The following ABCC8 variants were observed in gnomAD, a reference collection of about 807,000 sequenced individuals.
ABCC8 encodes ATP-binding cassette sub-family C member 8.
Under a neutral mutation model 188.0 loss-of-function variants are expected in ABCC8, and 137 were observed. That is an observed-to-expected ratio of 0.73 (90% confidence interval 0.63 to 0.84). ABCC8 has a LOEUF of 0.84. Ranked by LOEUF, ABCC8 falls within the 40% of genes least tolerant of loss-of-function variation. The pLI, the probability that ABCC8 is intolerant of heterozygous loss-of-function variation, is 0.00. For missense variants in ABCC8, 1,750 were observed against 2,072.7 expected, an observed-to-expected ratio of 0.84 and a Z score of 3.02; for synonymous variants, 797 against 846.5, an observed-to-expected ratio of 0.94 and a Z score of 1.01.
At chr11:17,446,499 G>A (rs1306225434) in intron 8 of ABCC8, among the ~76,000 whole-genome samples, 2 of 152,028 alleles carry the variant, frequency 1.3e-5, no homozygotes, top group African/African-American at 4.8e-5. Context: ...GGCTGGACTC[G>A]AACTCTTGGG....
In ABCC8 at chr11:17,425,501, C is replaced by A. The variant is rs148140104; in HGVS notation, c.2222+1548G>T. Reference sequence around the variant, plus strand: ...TTGCCCTTCTGCTGATTGGCTGCAACTTTTATTCCTAAATGAATACTCCAA... The same window carrying A: ...TTGCCCTTCTGCTGATTGGCTGCAAATTTTATTCCTAAATGAATACTCCAA... On this transcript the variant is annotated intron_variant, in intron 16 of 38. Transcript: ENST00000389817. Among the ~76,000 whole-genome samples, 3 of 152,096 alleles carry A rather than the reference C, an allele frequency of 2.0e-5. No homozygotes were observed. In the East Asian group the frequency reaches 5.8e-4, roughly 29 times the overall value.
intron 21 of ABCC8, 146 bp from the exon 22 acceptor site, chr11:17,410,799 C>A: frequency 7.5e-7 from 1 of 1,339,952 alleles, no homozygotes; most frequent in East Asian, 2.4e-5. Flanking sequence ...ACAACTCACC[C>A]AACCTCTCTG....
intron 12 of ABCC8, 39 bp downstream of exon 12, chr11:17,430,775 C>T: frequency 6.2e-7 from 1 of 1,603,382 alleles, no homozygotes; most frequent in Non-Finnish European, 8.5e-7. Flanking sequence ...TGACACAGGA[C>T]CTGCCTGCCC....
At chr11:17,449,421 C>G (rs1261301639) in intron 7 of ABCC8, among the ~76,000 whole-genome samples, 3 of 152,184 alleles carry the variant, frequency 2.0e-5, no homozygotes, top group South Asian at 2.1e-4. Context: ...TGAAACAAAA[C>G]AAGGGTTCGA....
At chr11:17,399,060 AG>A (rs1188246193) in intron 29 of ABCC8, 1 of 159,572 alleles carries the variant, frequency 6.3e-6, no homozygotes, top group Non-Finnish European at 1.4e-5. Context: ...CCTGAGGTCA[AG>A]AGTTCAAGAC....
Position 17,453,154 on chromosome 11 carries a change from TG to T in ABCC8, c.1140del (p.Ile381LeufsTer7). 1 of 1,614,198 alleles carries T rather than the reference TG, an allele frequency of 6.2e-7. No individual in the cohort carries two copies. The highest frequency in any genetic ancestry group is 8.5e-7 in the Non-Finnish European group (1 of 1,180,024). On this transcript the variant is annotated frameshift_variant, in exon 7 of 39. Transcript: ENST00000389817. LOFTEE classifies it high-confidence loss of function. Reference protein sequence around the residue: ...RTFLQASYYVAIETGINLRGA... With the variant: ...RTFLQASYYVXIETGINLRGA... ...CCTCTCAAGTTAATTCCAGTTTCAA[TG>T]GCCACATAGTAGGATGCTTGCAGAA... is the stretch of plus-strand genomic sequence containing the variant.
At chr11:17,432,476 A>G in intron 10 of ABCC8, 1 of 812,754 alleles carries the variant, frequency 1.2e-6, no homozygotes, top group Non-Finnish European at 1.8e-6. Flanking sequence ...TTAAACTGTT[A>G]AGTCACTCCG....
At chr11:17,456,947 G>A (rs1957017319) in intron 6 of ABCC8, among the ~76,000 whole-genome samples, 1 of 152,240 alleles carries the variant, frequency 6.6e-6, no homozygotes, top group South Asian at 2.1e-4. Context: ...TCAGGCAATA[G>A]GGGACAGAGG....
chr11:17,406,733 A>G lies in ABCC8; in HGVS notation c.3218T>C (p.Leu1073Pro). 6.2e-7 allele frequency: 1 copy of G among 1,614,222 alleles called. No individual in the cohort carries two copies. Residue 1073 changes from leucine (L) to proline (P), a missense_variant, in exon 26 of 39, where the codon CTG (leucine) becomes CCG (proline). By Grantham distance (98) the Leu-to-Pro change is moderately conservative. Coordinates refer to ENST00000389817, the MANE Select transcript of ABCC8 (RefSeq NM_000352.6). ...CGTGACGAGGCACAGCACAATGCCCAGGCTGCAGAGCACCGTGAACACCAT... is the reference window on the plus strand; with the variant it reads ...CGTGACGAGGCACAGCACAATGCCCGGGCTGCAGAGCACCGTGAACACCAT... Reference protein sequence around the residue: ...YAMVFTVLCSLGIVLCLVTSV... With the variant: ...YAMVFTVLCSPGIVLCLVTSV...
intron 3 of ABCC8, among the ~76,000 whole-genome samples, chr11:17,469,652 G>A (rs2237970): frequency 3.2e-4 from 49 of 151,830 alleles, no homozygotes; most frequent in African/African-American, 9.4e-4. Flanking sequence ...CTCTCCTGAC[G>A]CCTGCCCTCA....
In ABCC8 at chr11:17,404,699, T is replaced by C; in HGVS notation, c.3400-30A>G. 6.3e-7 allele frequency: 1 copy of C among 1,576,996 alleles called. No homozygotes were observed. The highest frequency in any genetic ancestry group is 8.6e-7 in the Non-Finnish European group (1 of 1,161,832). ...GGGAGACGAGGGGGAGAGAGTGAGGTGAATTTTGGTATTGACTGTGTTTAG... is the reference window on the plus strand; with the variant it reads ...GGGAGACGAGGGGGAGAGAGTGAGGCGAATTTTGGTATTGACTGTGTTTAG... On this transcript the variant is annotated intron_variant, in intron 27 of 38. Coordinates refer to ENST00000389817, the MANE Select transcript of ABCC8 (RefSeq NM_000352.6). The surrounding 1 kb of genome is among the most constrained non-coding windows in gnomAD (Gnocchi z 4.7).
intron 8 of ABCC8, among the ~76,000 whole-genome samples, chr11:17,446,800 C>A (rs531387037): frequency 1.3e-5 from 2 of 152,100 alleles, no homozygotes; most frequent in East Asian, 1.9e-4. Context: ...CCTGTGGGAG[C>A]CTCTCCCCTT....
intron 10 of ABCC8, among the ~76,000 whole-genome samples, chr11:17,433,297 G>T (rs1453928587): frequency 6.6e-6 from 1 of 152,186 alleles, no homozygotes. Context: ...GTCTGGTTCT[G>T]CCATTAGCCA....
Position 17,413,470 on chromosome 11 carries a change from A to T in ABCC8, c.2399T>A (p.Met800Lys). Residue 800 changes from methionine (M) to lysine (K), a missense_variant, in exon 20 of 39, where the codon ATG becomes AAG. Coordinates refer to ENST00000389817, the MANE Select transcript of ABCC8 (RefSeq NM_000352.6). Reference protein sequence around the residue: ...ESPFNKQRYKMVIEACSLQPD... With the variant: ...ESPFNKQRYKKVIEACSLQPD... ...CTGCAGAGAGCAGGCTTCAATGACC[A>T]TCTTGTACCTGGCGTGGGTAGAGGC... The T allele has an allele frequency of 6.2e-7, 1 of 1,613,962 alleles. No homozygotes were observed. The highest frequency in any genetic ancestry group is 8.5e-7 in the Non-Finnish European group (1 of 1,180,022).
chr11:17,398,660 C>T (rs1467460313), intron 29 of ABCC8, among the ~76,000 whole-genome samples: 1 of 152,188 alleles, frequency 6.6e-6, no homozygotes, highest in Non-Finnish European at 1.5e-5. Flanking sequence ...CTCTTGTTTT[C>T]ACCCCAAGAT....
Position 17,432,263 on chromosome 11 carries a change from G to C in ABCC8, c.1631-19C>G, listed in dbSNP as rs1486329558. The C allele has an allele frequency of 1.3e-6, 2 of 1,551,866 alleles. No individual in the cohort carries two copies. The highest frequency in any genetic ancestry group is 2.7e-5 in the African/African-American group (2 of 73,068). On this transcript the variant is annotated intron_variant, in intron 10 of 38. Transcript: ENST00000389817. ...ATGAAAACTGCAGAGGAAGCACAGG[G>C]AGGCGTTTAGTGGGAGGAGCGTGAC... is the stretch of plus-strand genomic sequence containing the variant.
At position 17,410,514 on chromosome 11, in the gene ABCC8, A is replaced by C. The variant is rs1954757792; in HGVS notation, c.2694+2T>G. Reference sequence around the variant, plus strand: ...TAGCCTGACCCCCTTGTTCCCCCTCACCCAGTCTGCATGGGGCAGGTACTG... The same window carrying C: ...TAGCCTGACCCCCTTGTTCCCCCTCCCCCAGTCTGCATGGGGCAGGTACTG... On this transcript the variant is annotated splice_donor_variant, in intron 22 of 38. Coordinates refer to ENST00000389817, the MANE Select transcript of ABCC8 (RefSeq NM_000352.6). LOFTEE classifies it high-confidence loss of function. The C allele has an allele frequency of 6.2e-7, 1 of 1,613,750 alleles. No homozygotes were observed. The highest frequency in any genetic ancestry group is 8.5e-7 in the Non-Finnish European group (1 of 1,179,916).
At chr11:17,424,149 T>C (rs2017646) in intron 16 of ABCC8, among the ~76,000 whole-genome samples, 87,231 of 151,490 alleles carry the variant, frequency 0.58, 25,489 homozygotes, top group Admixed American at 0.64. Flanking sequence ...GAACATCACA[T>C]ACCGAGCCTG....
chr11:17,397,860 C>A, intron 30 of ABCC8, 63 bp from the exon 31 acceptor site: 1 of 1,595,634 alleles, frequency 6.3e-7, no homozygotes, highest in East Asian at 2.3e-5. Context: ...CCTGTTCTAC[C>A]TCACTCCTTT....
Sources: gnomAD v4.1 joint callset for allele counts (sites outside exome capture counted in the v4.1 genomes callset) on GRCh38, gnomAD v4.1.1 for gene constraint, Gnocchi (gnomAD v3.1) non-coding constraint, MANE v1.5 for transcripts, NCBI Gene and HGNC (gene_info 2026-07-23, HGNC 2026-07-21) for gene names.